Variants in FBXO17 observed in about 807,000 individuals in gnomAD.
FBXO17 encodes the protein F-box protein 17.
A neutral mutation model predicts 34.1 loss-of-function variants in FBXO17; 43 were observed. The ratio of observed to expected loss-of-function variants is 1.26; its 90% CI spans 0.99 to 1.62. The LOEUF (loss-of-function observed/expected upper bound fraction) is 1.62, where lower values mean the gene tolerates loss of function less well. FBXO17 is among the 40% of genes most tolerant of loss of function. The pLI, the probability that FBXO17 is intolerant of heterozygous loss-of-function variation, is 0.00. For synonymous variants in FBXO17, 169 were observed against 166.0 expected, an observed-to-expected ratio of 1.02 and a Z score of -0.14; for missense variants, 424 against 386.7, an observed-to-expected ratio of 1.10 and a Z score of -0.81.
intron 4 of FBXO17, 27 bp from the exon 5 acceptor site, chr19:38,945,131 C>A (rs1185214076): frequency 6.2e-7 from 1 of 1,612,348 alleles, no homozygotes; most frequent in Non-Finnish European, 8.5e-7. Context: ...AGCCTCTATG[C>A]CCCCGTCACC....
chr19:38,946,285 G>A (rs1974981752), intron 4 of FBXO17, 187 bp downstream of exon 4: 1 of 1,014,114 alleles, frequency 9.9e-7, no homozygotes, highest in Non-Finnish European at 1.4e-6. Flanking sequence ...GTGCAGAGTG[G>A]GGGCTCTGGC....
intron 3 of FBXO17, chr19:38,946,811 C>T (rs370270231): frequency 1.8e-6 from 1 of 546,722 alleles, no homozygotes; most frequent in Non-Finnish European, 3.3e-6. Flanking sequence ...GCCTGACCCT[C>T]ATCTTTGTGG....
chr19:38,945,230 G>C (rs1974958013), intron 4 of FBXO17, 126 bp from the exon 5 acceptor site: 3 of 1,292,984 alleles, frequency 2.3e-6, no homozygotes, highest in Non-Finnish European at 3.2e-6. Flanking sequence ...ATTTGGAGAC[G>C]TCCTGGCCTG....
At chr19:38,945,812 AGGGGAGGAGCCTGGGTGGTCCTG>A (rs1302530702) in intron 4 of FBXO17, 16 of 82,278 alleles carry the variant, frequency 1.9e-4, no homozygotes, top group Middle Eastern at 8.0e-4. Context: ...GAGCCAGAGC[AGGGGAGGAGCCTGGGTGGTCCTG>A]GGGGAGGAGC....
At position 38,959,425 on chromosome 19, in the gene FBXO17, C is replaced by T. The variant is rs1213880067; in HGVS notation, c.-17-9089G>A. Among the ~76,000 whole-genome samples the T allele has an allele frequency of 2.0e-5, 3 of 151,360 alleles. No homozygotes were observed. The East Asian group carries it at 5.9e-4, about 30-fold the overall frequency. ...TCCAGAGTAGCTGGGATTACAGGCACACGCCACCATGCCTAGCTAATTTTT... is the reference window on the plus strand; with the variant it reads ...TCCAGAGTAGCTGGGATTACAGGCATACGCCACCATGCCTAGCTAATTTTT... On this transcript the variant is annotated intron_variant, in intron 1 of 5. Coordinates refer to ENST00000292852, the MANE Select transcript of FBXO17 (RefSeq NM_024907.7).
chr19:38,948,496 T>G (rs1454357389), intron 3 of FBXO17, 71 bp downstream of exon 3: 6 of 1,163,492 alleles, frequency 5.2e-6, no homozygotes, highest in Non-Finnish European at 7.5e-6. Context: ...ATGAGGACAG[T>G]GTGGGGGGTA....
chr19:38,945,166 C>A, intron 4 of FBXO17, 62 bp from the exon 5 acceptor site: 1 of 1,599,280 alleles, frequency 6.3e-7, no homozygotes, highest in Middle Eastern at 1.8e-4. Context: ...GGTTTCGGGG[C>A]GGGAGGCTGA....
In FBXO17 at chr19:38,948,644, C is replaced by G. The variant is rs539346400; in HGVS notation, c.384G>C (p.Gly128=). Residue 128 remains glycine, a synonymous_variant, in exon 3 of 6, where the codon GGG becomes GGC. Coordinates refer to ENST00000292852, the MANE Select transcript of FBXO17 (RefSeq NM_024907.7). ...GGTTCTTTTCTATGGCCCAGCCGTT[C>G]CCGCCATGCTCCACCTCCCAGCCTC... is the stretch of plus-strand genomic sequence containing the variant. The part of the protein sequence containing the change: ...GFRGWEVEHG[G]NGWAIEKNLT... 1.3e-5 allele frequency: 21 copies of G among 1,614,140 alleles called. No homozygotes were observed. In the South Asian group the frequency reaches 2.2e-4, roughly 17 times the overall value.
In FBXO17 at chr19:38,942,258, G is replaced by GTTTT. The variant is rs139029236; in HGVS notation, c.*349_*350insAAAA. ...CCTCTGGCTTCTGGCTGCAAAGCTG[G>GTTTT]TCTTTTTTTTTTTTTTTTTCATTGA... On this transcript the variant is annotated 3_prime_UTR_variant, in exon 6 of 6. Coordinates refer to ENST00000292852, the MANE Select transcript of FBXO17 (RefSeq NM_024907.7). 2 of 105,972 alleles carry GTTTT rather than the reference G, an allele frequency of 1.9e-5. No individual in the cohort carries two copies. The highest frequency in any genetic ancestry group is 1.6e-5 in the Non-Finnish European group (1 of 61,378). The allele number at this position is 105,972 out of a possible 1,614,324, so 6.6% of individuals were successfully genotyped here.
intron 1 of FBXO17, among the ~76,000 whole-genome samples, chr19:38,974,333 C>A (rs530410759): frequency 2.0e-5 from 3 of 152,120 alleles, no homozygotes; most frequent in African/African-American, 7.2e-5. Context: ...CCGCCTCGGC[C>A]TCCCAGAGTG....
chr19:38,961,330 C>T (rs991597493), intron 1 of FBXO17, among the ~76,000 whole-genome samples: 15 of 143,622 alleles, frequency 1.0e-4, no homozygotes, highest in African/African-American at 4.0e-4. Flanking sequence ...GGCTGGAGTG[C>T]AGTAGCATGA....
intron 1 of FBXO17, among the ~76,000 whole-genome samples, chr19:38,969,682 C>T (rs960122592): frequency 6.7e-6 from 1 of 149,540 alleles, no homozygotes; most frequent in African/African-American, 2.5e-5. Flanking sequence ...CTGCAACCTC[C>T]ACCTTCTGGG....
intron 4 of FBXO17, chr19:38,945,359 T>TA (rs1974961685): frequency 6.3e-6 from 2 of 318,628 alleles, no homozygotes; most frequent in Non-Finnish European, 1.0e-5. Context: ...GGTCCTGGGG[T>TA]GGAGCCAGAG....
At chr19:38,969,382 C>T (rs1439164270) in intron 1 of FBXO17, among the ~76,000 whole-genome samples, 1 of 145,558 alleles carries the variant, frequency 6.9e-6, no homozygotes, top group Non-Finnish European at 1.5e-5. Flanking sequence ...GTTGAGGCTA[C>T]AGTGAGCCAA....
At position 38,956,086 on chromosome 19, in the gene FBXO17, C is replaced by T. The variant is rs1197737148; in HGVS notation, c.-17-5750G>A. ...TTCAAGACCAGCCTGGGCAACATGGCGAAACCCCATCTCTACAAAAAATAC... is the reference window on the plus strand; with the variant it reads ...TTCAAGACCAGCCTGGGCAACATGGTGAAACCCCATCTCTACAAAAAATAC... On this transcript the variant is annotated intron_variant, in intron 1 of 5. Coordinates refer to ENST00000292852, the MANE Select transcript of FBXO17 (RefSeq NM_024907.7). Among the ~76,000 whole-genome samples the T allele has an allele frequency of 6.6e-5, 10 of 151,332 alleles. No homozygotes were observed. The East Asian group carries it at 7.8e-4, about 12-fold the overall frequency.
chr19:38,955,674 G>C (rs1385160214), intron 1 of FBXO17, among the ~76,000 whole-genome samples: 1 of 151,802 alleles, frequency 6.6e-6, no homozygotes, highest in African/African-American at 2.4e-5. Flanking sequence ...AGTAGAGACA[G>C]GGTTTCACCA....
rs1195820502 is a variant in FBXO17, at chr19:38,942,628, C to T, written c.817G>A (p.Val273Ile). The T allele has an allele frequency of 1.3e-6, 2 of 1,585,386 alleles. No individual in the cohort carries two copies. Among genetic ancestry groups the T allele is most frequent in the Non-Finnish European group, 1.7e-6 (2 of 1,169,662 alleles). The change falls in exon 6 of 6, where the codon GTC (valine) becomes ATC (isoleucine). Residue 273 changes from valine to isoleucine, a missense_variant. By Grantham distance (29) the Val-to-Ile change is conservative. Coordinates refer to ENST00000292852, the MANE Select transcript of FBXO17 (RefSeq NM_024907.7). Reference protein sequence around the residue: ...GALVTHSSVRVRIRLS With the variant: ...GALVTHSSVRIRIRLS ...AGTCGCTAGGACAGACGGATCCTGA[C>T]CCTCACACTGGAGTGGGTCACAAGG... is the stretch of plus-strand genomic sequence containing the variant.
chr19:38,950,047 G>A lies in FBXO17; in HGVS notation c.273C>T (p.Phe91=), dbSNP rs762009050. Residue 91 remains phenylalanine, a synonymous_variant, in exon 2 of 6, where the codon TTC becomes TTT. Coordinates refer to ENST00000292852, the MANE Select transcript of FBXO17 (RefSeq NM_024907.7). ...AGTAGCGCGCCAGGGCGCACAGCGG[G>A]AACTCCTCCTTGTCTTCGTTGCTGG... ...CLPSNEDKEE[F]PLCALARYCL... is the part of the protein sequence containing the mutation. The A allele has an allele frequency of 5.1e-6, 8 of 1,568,016 alleles. No individual in the cohort carries two copies. The highest frequency in any genetic ancestry group is 2.3e-5 in the South Asian group (2 of 85,464).
chr19:38,960,993 A>G (rs1205665412), intron 1 of FBXO17, among the ~76,000 whole-genome samples: 3 of 151,706 alleles, frequency 2.0e-5, no homozygotes, highest in Non-Finnish European at 2.9e-5. Context: ...TTTTTAGTAG[A>G]GACGGGGTTT....
Sources: allele counts gnomAD v4.1 joint callset (sites outside exome capture counted in the v4.1 genomes callset), GRCh38; gene constraint gnomAD v4.1.1; transcripts MANE v1.5; gene names NCBI Gene and HGNC (gene_info 2026-07-23, HGNC 2026-07-21).